Variants in TMPRSS15 observed in about 807,000 individuals in gnomAD.
TMPRSS15 encodes enteropeptidase.
In TMPRSS15, 128 loss-of-function variants were observed where a neutral mutation model predicts 125.3. The ratio of observed to expected loss-of-function variants is 1.02; its 90% confidence interval spans 0.89 to 1.18. The LOEUF (loss-of-function observed/expected upper bound fraction) is 1.18, where lower values mean the gene tolerates loss of function less well. TMPRSS15 is among the 50% of genes most tolerant of loss of function. The pLI, the probability that TMPRSS15 is intolerant of heterozygous loss-of-function variation, is 0.00. For synonymous variants in TMPRSS15, 446 were observed against 423.2 expected (o/e 1.05, Z -0.66); for missense variants, 1,283 against 1,212.7 (o/e 1.06, Z -0.86).
chr21:18,342,247 T>A (rs995568125), intron 12 of TMPRSS15, among the ~76,000 whole-genome samples: 1 of 152,252 alleles, frequency 6.6e-6, no homozygotes, highest in African/African-American at 2.4e-5. Flanking sequence ...ATAAATTGAA[T>A]GTCTGCTATA....
In TMPRSS15 at chr21:18,441,607, A is replaced by C. The variant is rs1381385265; in HGVS notation, c.11-43278T>G. Among the ~76,000 whole-genome samples the C allele has an allele frequency of 2.7e-3, 98 of 36,546 alleles. 1 individual carries two copies. The highest frequency in any genetic ancestry group is 0.026 in the South Asian group (21 of 802). The allele number at this position is 36,546 out of a possible 152,430, so 24.0% of individuals were successfully genotyped here. A position where few individuals can be genotyped will look rare whatever the true frequency, so the allele number is the denominator to read the frequency against. Reference sequence around the variant, plus strand: ...GGGTGACAGAGCAAGACTCCATCTCAAAAAAAAAAAAAAAAAAGAAAGAAA... The same window carrying C: ...GGGTGACAGAGCAAGACTCCATCTCCAAAAAAAAAAAAAAAAAGAAAGAAA... On this transcript the variant is annotated intron_variant, in intron 1 of 7. Transcript: ENST00000422787.
intron 14 of TMPRSS15, among the ~76,000 whole-genome samples, chr21:18,329,661 C>G (rs758450334): frequency 2.6e-5 from 4 of 151,142 alleles, no homozygotes; most frequent in Non-Finnish European, 4.4e-5. Context: ...TTTCCATGAT[C>G]AAATTTAGAA....
intron 5 of TMPRSS15, among the ~76,000 whole-genome samples, chr21:18,374,066 G>A (rs62214996): frequency 6.6e-6 from 1 of 152,130 alleles, no homozygotes; most frequent in Non-Finnish European, 1.5e-5. Context: ...TCCTTCTAAG[G>A]CAAGAATTAA....
intron 1 of TMPRSS15, among the ~76,000 whole-genome samples, chr21:18,470,942 T>A (rs1447616910): frequency 2.0e-5 from 3 of 151,854 alleles, no homozygotes; most frequent in African/African-American, 7.3e-5. Flanking sequence ...TTAAAAAGAT[T>A]AGTCTAGAAA....
At chr21:18,289,868 G>A (rs533229067) in intron 21 of TMPRSS15, among the ~76,000 whole-genome samples, 1 of 152,324 alleles carries the variant, frequency 6.6e-6, no homozygotes, top group African/African-American at 2.4e-5. Context: ...CTTTTTGGGT[G>A]ATTGGAATGT....
intron 1 of TMPRSS15, among the ~76,000 whole-genome samples, chr21:18,431,172 A>G (rs915399652): frequency 6.6e-6 from 1 of 152,232 alleles, no homozygotes; most frequent in Non-Finnish European, 1.5e-5. Flanking sequence ...GTTAGTTTAT[A>G]GAATAAAAAT....
chr21:18,466,734 T>C (rs1242000588), intron 1 of TMPRSS15, among the ~76,000 whole-genome samples: 1 of 152,154 alleles, frequency 6.6e-6, no homozygotes, highest in Non-Finnish European at 1.5e-5. Context: ...CCAGTTAGAA[T>C]GGTGATCATT....
Position 18,285,764 on chromosome 21 carries a change from A to C in TMPRSS15, c.2487-4543T>G, listed in dbSNP as rs569318592. On this transcript the variant is annotated intron_variant, in intron 21 of 24. Coordinates refer to ENST00000284885, the MANE Select transcript of TMPRSS15 (RefSeq NM_002772.3). The stretch of plus-strand genomic sequence containing the variant: ...TCATATAATGATCATTATCATTACC[A>C]CAGTTAAAAGAAAAGAGTTGTTTAT... 9.8e-5 allele frequency among the ~76,000 whole-genome samples: 15 copies of C among 152,318 alleles called. No individual in the cohort carries two copies. The East Asian group carries it at 1.5e-3, about 16-fold the overall frequency.
intron 16 of TMPRSS15, among the ~76,000 whole-genome samples, chr21:18,323,030 TA>T (rs1384411939): frequency 6.6e-6 from 1 of 152,200 alleles, no homozygotes; most frequent in African/African-American, 2.4e-5. Context: ...AAACACAATT[TA>T]AACAAACTGT....
chr21:18,397,973 G>T (rs764656632), intron 2 of TMPRSS15, 27 bp from the exon 3 acceptor site: 9 of 1,359,518 alleles, frequency 6.6e-6, no homozygotes, highest in Admixed American at 5.9e-5. Flanking sequence ...GATTGAATGA[G>T]TATACTAAAT....
chr21:18,293,227 C>T (rs1040634), intron 21 of TMPRSS15, among the ~76,000 whole-genome samples: 123,291 of 152,180 alleles, frequency 0.81, 50,075 homozygotes, highest in Non-Finnish European at 0.83. Context: ...AGTTGGTCTT[C>T]ATTTACCCAA....
At chr21:18,366,395 C>T (rs558237249) in intron 6 of TMPRSS15, among the ~76,000 whole-genome samples, 27 of 152,088 alleles carry the variant, frequency 1.8e-4, no homozygotes, top group African/African-American at 6.3e-4. Context: ...CCTGATTAAG[C>T]CTTTTGCTTT....
rs780889907 is a variant in TMPRSS15, at chr21:18,312,999, G to C, written c.2111C>G (p.Ala704Gly). Residue 704 changes from alanine (A) to glycine (G), a missense_variant, in exon 18 of 25, where the codon GCT becomes GGT. Transcript: ENST00000284885. ...RIQSIWHTAC[A>G]ENWTTQISND... ...TGAAATCTGGGTGGTCCAGTTCTCA[G>C]CACAAGCTGTATGCCATATGCTCTG... is the stretch of plus-strand genomic sequence containing the variant. The C allele has an allele frequency of 3.1e-6, 5 of 1,613,842 alleles. No individual in the cohort carries two copies. The highest frequency in any genetic ancestry group is 3.4e-6 in the Non-Finnish European group (4 of 1,179,924).
intron 10 of TMPRSS15, among the ~76,000 whole-genome samples, chr21:18,347,038 T>C (rs1230151701): frequency 6.6e-6 from 1 of 152,184 alleles, no homozygotes; most frequent in Admixed American, 6.5e-5. Flanking sequence ...TGACACTTTG[T>C]GTCTTCTTTT....
chr21:18,440,386 A>AAAAAG (rs557806642), intron 1 of TMPRSS15, among the ~76,000 whole-genome samples: 37,125 of 133,548 alleles, frequency 0.28, 8,008 homozygotes, highest in East Asian at 0.64. Context: ...AAAAAAAAAA[A>AAAAAG]AAAGAAAACT....
chr21:18,464,056 C>G (rs1159558372), intron 1 of TMPRSS15, among the ~76,000 whole-genome samples: 1 of 151,198 alleles, frequency 6.6e-6, no homozygotes, highest in Non-Finnish European at 1.5e-5. Flanking sequence ...GCCTGTAGTC[C>G]CAGCTACTTG....
intron 8 of TMPRSS15, 31 bp downstream of exon 8, chr21:18,359,726 C>G (rs1467203525): frequency 9.4e-7 from 1 of 1,068,558 alleles, no homozygotes; most frequent in Non-Finnish European, 1.4e-6. Flanking sequence ...TTTTCATTTT[C>G]ATAAGTAATT....
Position 18,372,229 on chromosome 21 carries a change from A to AG in TMPRSS15, c.627dup (p.Cys210LeufsTer6). Reference sequence around the variant, plus strand: ...TTGTCTTCGTCAGAACCATCTGGACAGTTTACTTCTCCATCACAAAATAAA... The same window carrying AG: ...TTGTCTTCGTCAGAACCATCTGGACAGGTTTACTTCTCCATCACAAAATAAA... On this transcript the variant is annotated frameshift_variant, in exon 6 of 25. Coordinates refer to ENST00000284885, the MANE Select transcript of TMPRSS15 (RefSeq NM_002772.3). LOFTEE classifies it high-confidence loss of function. 1 of 1,612,770 alleles carries AG rather than the reference A, an allele frequency of 6.2e-7. No homozygotes were observed. Among genetic ancestry groups the AG allele is most frequent in the South Asian group, 1.1e-5 (1 of 91,056 alleles).
rs1568972777 is a variant in TMPRSS15, at chr21:18,271,325, A to C, written c.2905-1201T>G. Among the ~76,000 whole-genome samples the C allele has an allele frequency of 2.0e-5, 3 of 152,228 alleles. No individual in the cohort carries two copies. The South Asian group carries it at 6.2e-4, about 31-fold the overall frequency. On this transcript the variant is annotated intron_variant, in intron 24 of 24. Transcript: ENST00000284885. ...TTAAAAATAAACTTCAGCTGTTTGGATATTTTTAAAAGGAGTAACTTGTTT... is the reference window on the plus strand; with the variant it reads ...TTAAAAATAAACTTCAGCTGTTTGGCTATTTTTAAAAGGAGTAACTTGTTT...
Sources: gnomAD v4.1 joint callset for allele counts (sites outside exome capture counted in the v4.1 genomes callset) on GRCh38, gnomAD v4.1.1 for gene constraint, MANE v1.5 for transcripts, NCBI Gene and HGNC (gene_info 2026-07-23, HGNC 2026-07-21) for gene names.